CHD7: variants seen among roughly 807,000 people sequenced by gnomAD.
CHD7 encodes the protein ATP-dependent chromatin remodeler CHD7.
CHD7 carries 24 observed loss-of-function variants against 307.3 expected under a neutral mutation model. The observed-to-expected ratio is 0.08, with a 90% confidence interval of 0.06 to 0.11. CHD7 has a LOEUF of 0.11. Among genes scored for constraint, CHD7 ranks in the 10% least tolerant of loss-of-function variants. The pLI is 1.00. For missense variants in CHD7, 3,106 were observed against 3,727.1 expected (o/e 0.83, Z 4.34); for synonymous variants, 1,363 against 1,349.9 (o/e 1.01, Z -0.21).
intron 23 of CHD7, among the ~76,000 whole-genome samples, chr8:60,847,014 C>T (rs949342145): frequency 1.3e-5 from 2 of 152,126 alleles, no homozygotes; most frequent in African/African-American, 2.4e-5. Flanking sequence ...CCCTAAAATC[C>T]GACCCCACTT....
In CHD7 at chr8:60,842,128, A is replaced by T. The variant is rs79240930; in HGVS notation, c.4850+76A>T. ...AATTCCCAACTGGTAGAGAAAAACT[A>T]TATTTGTGTTTGAATTTGTGTGACA... On this transcript the variant is annotated intron_variant, in intron 21 of 37. Transcript: ENST00000423902. The T allele has an allele frequency of 2.7e-5, 33 of 1,244,622 alleles. 1 individual carries two copies. The highest frequency in any genetic ancestry group is 3.7e-5 in the Non-Finnish European group (33 of 892,250). 77.1% of individuals were successfully genotyped at this position (1,244,622 alleles called of 1,614,324 possible).
In CHD7 at chr8:60,741,698, T is replaced by G; in HGVS notation, c.266T>G (p.Met89Arg). 1 of 1,613,986 alleles carries G rather than the reference T, an allele frequency of 6.2e-7. No individual in the cohort carries two copies. The highest frequency in any genetic ancestry group is 8.5e-7 in the Non-Finnish European group (1 of 1,179,872). Residue 89 changes from methionine to arginine, a missense_variant, in exon 2 of 38, where the codon ATG (methionine) becomes AGG (arginine). Met to Arg is a moderately conservative substitution (Grantham distance 91). Transcript: ENST00000423902. ...CATCTGATGGATCAGCCGAACAGAA[T>G]GATGAGCAACACCCCTGGGAACGGA... ...KMHLMDQPNR[M>R]MSNTPGNGLA...
chr8:60,855,306 G>A (rs1163819696), intron 32 of CHD7: 1 of 152,342 alleles, frequency 6.6e-6, no homozygotes, highest in Admixed American at 6.5e-5. Flanking sequence ...TTTATTGAGT[G>A]TAGGAGGGAG....
chr8:60,798,988 A>G (rs977063393), intron 4 of CHD7, among the ~76,000 whole-genome samples: 4 of 152,166 alleles, frequency 2.6e-5, no homozygotes, highest in African/African-American at 9.7e-5. Flanking sequence ...CTTTATAGCT[A>G]TTAATAATCT....
intron 15 of CHD7, among the ~76,000 whole-genome samples, chr8:60,832,966 A>G (rs1804587733): frequency 6.6e-6 from 1 of 152,180 alleles, no homozygotes; most frequent in Non-Finnish European, 1.5e-5. Context: ...CTTTGTCCCT[A>G]AATTTGGGGA....
Position 60,808,198 on chromosome 8 carries a change from A to T in CHD7, c.2443-19A>T. The T allele has an allele frequency of 6.4e-7, 1 of 1,564,088 alleles. No individual in the cohort carries two copies. Among genetic ancestry groups the T allele is most frequent in the Non-Finnish European group, 8.8e-7 (1 of 1,141,204 alleles). ...GTAGATGGTTTTAAATACATGCCTG[A>T]AATTTTCTTTTGTTGCAGAAGGAAT... On this transcript the variant is annotated intron_variant, in intron 6 of 37. Coordinates refer to ENST00000423902, the MANE Select transcript of CHD7 (RefSeq NM_017780.4).
At chr8:60,713,215 G>A (rs939798699) in intron 1 of CHD7, among the ~76,000 whole-genome samples, 1 of 151,952 alleles carries the variant, frequency 6.6e-6, no homozygotes, top group Non-Finnish European at 1.5e-5. Flanking sequence ...GGGTTCAAGC[G>A]ATTCTCCTGC....
intron 34 of CHD7, among the ~76,000 whole-genome samples, chr8:60,857,387 C>CT (rs1213567250): frequency 2.0e-5 from 3 of 152,080 alleles, no homozygotes; most frequent in Non-Finnish European, 1.5e-5. Flanking sequence ...ATGTGTGAAC[C>CT]AATGGATTTT....
intron 3 of CHD7, among the ~76,000 whole-genome samples, chr8:60,794,129 TA>T (rs1011462877): frequency 7.6e-5 from 11 of 144,924 alleles, no homozygotes; most frequent in East Asian, 6.0e-4. Context: ...TCTCAAAAAA[TA>T]AAAAAAAAAC....
chr8:60,800,456 TGAG>T lies in CHD7; in HGVS notation c.2312_2314del (p.Glu771del), dbSNP rs761153051. The T allele has an allele frequency of 1.9e-6, 3 of 1,613,918 alleles. No individual in the cohort carries two copies. In the Admixed American group the frequency reaches 5.0e-5, roughly 27 times the overall value. On this transcript the variant is annotated inframe_deletion, in exon 5 of 38. Coordinates refer to ENST00000423902, the MANE Select transcript of CHD7 (RefSeq NM_017780.4). ...AAGACCTGGAGTTCAAGATTTCTGATGAGGAGGCAGATGATGCAGATGCTGCTG... is the reference window on the plus strand; with the variant it reads ...AAGACCTGGAGTTCAAGATTTCTGATGAGGCAGATGATGCAGATGCTGCTG...
chr8:60,731,745 CT>C, intron 1 of CHD7, among the ~76,000 whole-genome samples: 1 of 152,144 alleles, frequency 6.6e-6, no homozygotes, highest in East Asian at 1.9e-4. Context: ...GTAGGTTTAC[CT>C]TTTTGAGATT....
intron 1 of CHD7, among the ~76,000 whole-genome samples, chr8:60,728,295 T>C (rs557341789): frequency 6.6e-6 from 1 of 152,288 alleles, no homozygotes; most frequent in African/African-American, 2.4e-5. Flanking sequence ...GGTATAGTAT[T>C]AGCGGAGAGA....
chr8:60,800,117 A>C (rs1297765157), intron 4 of CHD7, among the ~76,000 whole-genome samples: 2 of 151,248 alleles, frequency 1.3e-5, no homozygotes, highest in Non-Finnish European at 2.9e-5. Context: ...TGCAAGCTCC[A>C]CCTCGTGGGT....
intron 1 of CHD7, among the ~76,000 whole-genome samples, chr8:60,721,285 C>T (rs772586632): frequency 1.3e-5 from 2 of 152,004 alleles, no homozygotes; most frequent in Admixed American, 1.3e-4. Context: ...GGTCTTAATA[C>T]GAAGAGGAAA....
At chr8:60,717,737 A>G (rs948924278) in intron 1 of CHD7, among the ~76,000 whole-genome samples, 7 of 59,520 alleles carry the variant, frequency 1.2e-4, no homozygotes, top group African/African-American at 2.6e-4. Flanking sequence ...TCCATTGTCC[A>G]CTGACAATTG....
chr8:60,687,640 T>C (rs1398918297), intron 1 of CHD7, among the ~76,000 whole-genome samples: 3 of 152,194 alleles, frequency 2.0e-5, no homozygotes, highest in African/African-American at 7.2e-5. Flanking sequence ...ATATTAAAAA[T>C]AACAGTAATA....
chr8:60,821,909 G>T lies in CHD7; in HGVS notation c.2817G>T (p.Glu939Asp), dbSNP rs1586389578. ...IEEFEKLMSR[E>D]PETERVERPP... is the part of the protein sequence containing the mutation. ...AGTTTGAGAAACTAATGTCCAGGGA[G>T]CCGGAAACAGAGCGTGTGGTAAGAA... is the stretch of plus-strand genomic sequence containing the variant. The change falls in exon 10 of 38, where the codon GAG (glutamate) becomes GAT (aspartate). Residue 939 changes from glutamate to aspartate, a missense_variant. By Grantham distance (45) the Glu-to-Asp change is conservative. This residue lies in a region of CHD7 where 188 missense variants were observed against 261.7 expected (regional missense o/e 0.72). Transcript: ENST00000423902. 6.2e-7 allele frequency: 1 copy of T among 1,612,824 alleles called. No individual in the cohort carries two copies.
At chr8:60,747,920 C>T (rs531587317) in intron 2 of CHD7, among the ~76,000 whole-genome samples, 1 of 152,310 alleles carries the variant, frequency 6.6e-6, no homozygotes, top group South Asian at 2.1e-4. Flanking sequence ...ACAGTGGGGA[C>T]TCAAAAACAA....
intron 1 of CHD7, among the ~76,000 whole-genome samples, chr8:60,739,084 C>T (rs1032151883): frequency 1.3e-5 from 2 of 152,186 alleles, no homozygotes; most frequent in African/African-American, 2.4e-5. Context: ...GCTCAGTGGG[C>T]TTGCAAGAGA....
Sources: allele counts gnomAD v4.1 joint callset (sites outside exome capture counted in the v4.1 genomes callset), GRCh38; gene constraint gnomAD v4.1.1; regional missense constraint gnomAD v4.1.1; transcripts MANE v1.5; gene names NCBI Gene and HGNC (gene_info 2026-07-23, HGNC 2026-07-21).